IL19: variants seen among roughly 807,000 people sequenced by gnomAD.
IL19 encodes the protein interleukin-19.
In IL19, 15 loss-of-function variants were observed where a neutral mutation model predicts 19.5. That is an observed-to-expected ratio of 0.77 (90% CI 0.52 to 1.19). The LOEUF (loss-of-function observed/expected upper bound fraction) is 1.19, where lower values mean the gene tolerates loss of function less well. IL19 is among the 50% of genes most tolerant of loss of function. The probability of loss-of-function intolerance (pLI) is 0.00; values close to 1 mark genes in which losing one functional copy is unlikely to be tolerated. For missense variants in IL19, 199 were observed against 213.1 expected (o/e 0.93, Z 0.41); for synonymous variants, 78 against 78.3 (o/e 1.00, Z 0.02).
chr1:206,824,188 C>T (rs1676370256), intron 2 of IL19, among the ~76,000 whole-genome samples: 1 of 152,166 alleles, frequency 6.6e-6, no homozygotes, highest in Admixed American at 6.5e-5. Flanking sequence ...AGGGAGGAGG[C>T]TCGGACGGAG....
chr1:206,798,892 A>G lies in IL19; in HGVS notation c.-117A>G. On this transcript the variant is annotated 5_prime_UTR_variant, in exon 2 of 7. Transcript: ENST00000659997. Reference sequence around the variant, plus strand: ...GCTTGCACACACTGACAGGAGTCCAAGAATGTGCACTGAGGGAGCGTTTCC... The same window carrying G: ...GCTTGCACACACTGACAGGAGTCCAGGAATGTGCACTGAGGGAGCGTTTCC... 1.9e-6 allele frequency: 3 copies of G among 1,609,108 alleles called. No individual in the cohort carries two copies. The highest frequency in any genetic ancestry group is 2.5e-6 in the Non-Finnish European group (3 of 1,176,936).
At chr1:206,791,973 G>A (rs767808185) in intron 1 of IL19, among the ~76,000 whole-genome samples, 3 of 152,058 alleles carry the variant, frequency 2.0e-5, no homozygotes, top group Admixed American at 6.6e-5. Flanking sequence ...GGAGGCCCTG[G>A]GTCTTCCCAG....
intron 2 of IL19, among the ~76,000 whole-genome samples, chr1:206,812,264 C>T (rs1348494485): frequency 6.6e-6 from 1 of 152,200 alleles, no homozygotes; most frequent in Non-Finnish European, 1.5e-5. Flanking sequence ...TCTCACATCT[C>T]ATAGCCTACT....
intron 1 of IL19, among the ~76,000 whole-genome samples, chr1:206,790,279 A>G (rs1675366280): frequency 6.6e-6 from 1 of 152,170 alleles, no homozygotes; most frequent in East Asian, 1.9e-4. Flanking sequence ...ATAATTTTTA[A>G]AAGGCTGAAA....
At chr1:206,816,967 G>GTGCAC (rs1676173376) in intron 2 of IL19, among the ~76,000 whole-genome samples, 1 of 152,152 alleles carries the variant, frequency 6.6e-6, no homozygotes, top group African/African-American at 2.4e-5. Context: ...AACTGAAACT[G>GTGCAC]TGCACCAAAG....
rs577979880 is a variant in IL19 at position 206,808,083 on chromosome 1, C to T, written c.-3+9077C>T. On this transcript the variant is annotated intron_variant, in intron 2 of 6. Transcript: ENST00000659997. ...TGGCAGCTCATGCCTGTAATCCCAA[C>T]ACTTTGGGAGGCTGAGGCAGGCAGA... Among the ~76,000 whole-genome samples the T allele has an allele frequency of 2.0e-5, 3 of 152,330 alleles. No homozygotes were observed. In the South Asian group the frequency reaches 6.2e-4, roughly 32 times the overall value.
chr1:206,772,640 T>A, intron 1 of IL19: 1 of 593,872 alleles, frequency 1.7e-6, no homozygotes, highest in Non-Finnish European at 3.0e-6. Flanking sequence ...AAACTTAGTT[T>A]TCAATTTTTG....
intron 2 of IL19, among the ~76,000 whole-genome samples, chr1:206,831,949 G>T (rs1219803317): frequency 6.6e-6 from 1 of 152,234 alleles, no homozygotes; most frequent in Non-Finnish European, 1.5e-5. Flanking sequence ...GGTGAATGTG[G>T]GGTGAGACTC....
chr1:206,797,109 T>C (rs1254365048), intron 1 of IL19, among the ~76,000 whole-genome samples: 1 of 152,152 alleles, frequency 6.6e-6, no homozygotes, highest in African/African-American at 2.4e-5. Flanking sequence ...CTCCCTGCAG[T>C]GTAGAGACTT....
intron 2 of IL19, among the ~76,000 whole-genome samples, chr1:206,801,276 A>G (rs1401603782): frequency 1.3e-5 from 2 of 151,858 alleles, no homozygotes; most frequent in Admixed American, 6.6e-5. Flanking sequence ...GGGACTAGAG[A>G]TGAGGGATTT....
chr1:206,789,756 T>A (rs1023779935), intron 1 of IL19, among the ~76,000 whole-genome samples: 24 of 152,188 alleles, frequency 1.6e-4, no homozygotes, highest in African/African-American at 5.8e-4. Flanking sequence ...AGGCCCAGTG[T>A]ATGTTGTTCC....
chr1:206,833,420 G>C (rs1172802290), intron 2 of IL19, among the ~76,000 whole-genome samples: 6 of 152,238 alleles, frequency 3.9e-5, no homozygotes, highest in Admixed American at 3.9e-4. Flanking sequence ...AAACAGTTTA[G>C]TTTCAGCTTG....
chr1:206,825,747 G>A (rs559577622), intron 2 of IL19, among the ~76,000 whole-genome samples: 28 of 152,312 alleles, frequency 1.8e-4, no homozygotes, highest in Admixed American at 1.2e-3. Context: ...TGTGGAACTC[G>A]CCAAAACCCC....
At chr1:206,796,372 G>GA (rs753795918) in intron 1 of IL19, among the ~76,000 whole-genome samples, 27 of 152,256 alleles carry the variant, frequency 1.8e-4, no homozygotes, top group Middle Eastern at 6.8e-3. Flanking sequence ...GAAATCCTGT[G>GA]ATTCAGTCAG....
intron 1 of IL19, among the ~76,000 whole-genome samples, chr1:206,793,961 G>A (rs1351393775): frequency 2.0e-5 from 3 of 152,108 alleles, no homozygotes; most frequent in African/African-American, 4.8e-5. Flanking sequence ...TAAGGCTAGC[G>A]TTACAGCACC....
chr1:206,820,750 T>C (rs1676272032), intron 2 of IL19, among the ~76,000 whole-genome samples: 2 of 152,162 alleles, frequency 1.3e-5, no homozygotes, highest in South Asian at 4.1e-4. Flanking sequence ...CACAATGAGG[T>C]TCCTCTAGCA....
Position 206,842,833 on chromosome 1 carries a change from C to A in IL19, c.*211C>A. ...AAACTCTATCTGCTGAAAGGGCCTG[C>A]AGGCCATCCTGGGAGTAAAGGGCTG... is the stretch of plus-strand genomic sequence containing the variant. On this transcript the variant is annotated 3_prime_UTR_variant, in exon 7 of 7. Coordinates refer to ENST00000659997, the MANE Select transcript of IL19 (RefSeq NM_153758.5). The A allele has an allele frequency of 2.1e-6, 1 of 477,696 alleles. No individual in the cohort carries two copies. The highest frequency in any genetic ancestry group is 5.4e-4 in the Middle Eastern group (1 of 1,862). The allele number at this position is 477,696 out of a possible 1,614,324, so 29.6% of individuals were successfully genotyped here.
intron 2 of IL19, among the ~76,000 whole-genome samples, chr1:206,835,810 C>A (rs1676770793): frequency 6.6e-6 from 1 of 152,256 alleles, no homozygotes; most frequent in South Asian, 2.1e-4. Context: ...ACCCCATAAG[C>A]TGTACCATTA....
At chr1:206,802,775 G>A (rs535863489) in intron 2 of IL19, among the ~76,000 whole-genome samples, 69 of 150,962 alleles carry the variant, frequency 4.6e-4, no homozygotes, top group African/African-American at 1.6e-3. Context: ...CTGTCTTCTT[G>A]CTCTGTCCTC....
Sources: allele counts gnomAD v4.1 joint callset (sites outside exome capture counted in the v4.1 genomes callset), GRCh38; gene constraint gnomAD v4.1.1; transcripts MANE v1.5; gene names NCBI Gene and HGNC (gene_info 2026-07-23, HGNC 2026-07-21).